TRAPPC2: variants seen among roughly 807,000 people sequenced by gnomAD.
TRAPPC2 encodes trafficking protein particle complex subunit 2.
Under a neutral mutation model 10.0 loss-of-function variants are expected in TRAPPC2, and 4 were observed. That is an observed-to-expected ratio of 0.40 (90% confidence interval 0.20 to 0.92). The LOEUF (loss-of-function observed/expected upper bound fraction) is 0.92. TRAPPC2 is among the 40% of genes least tolerant of loss of function. The pLI is 0.35. For missense variants in TRAPPC2, 52 were observed against 108.7 expected (o/e 0.48, Z 2.32); for synonymous variants, 36 against 37.3 (o/e 0.97, Z 0.12).
At chrX:13,716,791 GCT>G in intron 3 of TRAPPC2, 113 bp from the exon 4 acceptor site, 1 of 775,137 alleles carries the variant, frequency 1.3e-6, no homozygotes. Context: ...AAAACAGTTT[GCT>G]TTTATACTTT....
At chrX:13,716,327 T>TAA in intron 4 of TRAPPC2, 1 of 563,332 alleles carries the variant, frequency 1.8e-6, no homozygotes, top group Non-Finnish European at 2.8e-6. Context: ...TAAACTCTTT[T>TAA]TGTGTATGAG....
Position 13,713,103 on chromosome X carries a change from CAAAA to C in TRAPPC2, c.*1300_*1303del, listed in dbSNP as rs35590746. ...TGGACAACAGAGCGAAACTCCATCT[CAAAA>C]AAAAAAAAAAAACCCCAAAGATCAA... is the stretch of plus-strand genomic sequence containing the variant. On this transcript the variant is annotated 3_prime_UTR_variant, in exon 6 of 6. Transcript: ENST00000380579. The C allele has an allele frequency of 2.9e-5, 2 of 69,060 alleles. No individual in the cohort carries two copies. The highest frequency in any genetic ancestry group is 5.6e-5 in the African/African-American group (1 of 17,773). The allele number at this position is 69,060 out of a possible 1,213,427, so 5.7% of individuals were successfully genotyped here.
chrX:13,713,452 A>AAAAAAAAC lies in TRAPPC2; in HGVS notation c.*954_*955insGTTTTTTT, dbSNP rs1418356873. ...ACAACAGGAGCAAGACTCCATCTCA[A>AAAAAAAAC]AAAAACAAAAAACAAAAAACAAAAA... On this transcript the variant is annotated 3_prime_UTR_variant, in exon 6 of 6. Transcript: ENST00000380579. The AAAAAAAAC allele has an allele frequency of 9.4e-6, 1 of 106,932 alleles. No individual in the cohort carries two copies. The highest frequency in any genetic ancestry group is 1.0e-4 in the Admixed American group (1 of 9,888). The allele number at this position is 106,932 out of a possible 1,213,427, so 8.8% of individuals were successfully genotyped here.
At chrX:13,731,437 A>T (rs1184709609) in intron 2 of TRAPPC2, among the ~76,000 whole-genome samples, 3 of 112,590 alleles carry the variant, frequency 2.7e-5, no homozygotes, top group Non-Finnish European at 5.6e-5. Context: ...TTGTACTAGA[A>T]CAAGTCATAC....
At chrX:13,717,596 G>A (rs1456061655) in intron 3 of TRAPPC2, among the ~76,000 whole-genome samples, 1 of 110,041 alleles carries the variant, frequency 9.1e-6, no homozygotes, top group South Asian at 3.8e-4. Context: ...AAAATTGGCC[G>A]GCTGTGGTGG....
intron 2 of TRAPPC2, among the ~76,000 whole-genome samples, chrX:13,723,785 G>A (rs765845260): frequency 9.1e-6 from 1 of 110,405 alleles, no homozygotes; most frequent in Non-Finnish European, 1.9e-5. Flanking sequence ...TCTAGCTGAG[G>A]TGAACAAGCA....
At position 13,734,187 on chromosome X, in the gene TRAPPC2, T is replaced by C; in HGVS notation, c.-161-2A>G. 1 of 490,053 alleles carries C rather than the reference T, an allele frequency of 2.0e-6. No individual in the cohort carries two copies. The highest frequency in any genetic ancestry group is 2.8e-5 in the South Asian group (1 of 35,950). 40.4% of individuals were successfully genotyped at this position (490,053 alleles called of 1,213,427 possible). A position where few individuals can be genotyped will look rare whatever the true frequency, so the allele number is the denominator to read the frequency against. On this transcript the variant is annotated splice_acceptor_variant, in intron 1 of 5. Transcript: ENST00000380579. LOFTEE classifies it low-confidence loss of function (5UTR_SPLICE). Reference sequence around the variant, plus strand: ...TCACACTTGGGGGAGAAGGTGATACTGACAAAATAGAGAGCAAGGATACAG... The same window carrying C: ...TCACACTTGGGGGAGAAGGTGATACCGACAAAATAGAGAGCAAGGATACAG...
rs1328744609 is a variant in TRAPPC2, at chrX:13,714,145, A to G, written c.*262T>C. On this transcript the variant is annotated 3_prime_UTR_variant, in exon 6 of 6. Transcript: ENST00000380579. ...CAACAGAGTGAGACTCTGTATCAGA[A>G]AAAAAAAAAAAAAAAAAACATGATT... 1.2e-4 allele frequency: 16 copies of G among 131,721 alleles called. No homozygotes were observed. The highest frequency in any genetic ancestry group is 4.6e-4 in the African/African-American group (12 of 25,809). The allele number at this position is 131,721 out of a possible 1,213,427, so 10.9% of individuals were successfully genotyped here. A position where few individuals can be genotyped will look rare whatever the true frequency, so the allele number is the denominator to read the frequency against.
At chrX:13,717,613 C>T (rs1405188037) in intron 3 of TRAPPC2, among the ~76,000 whole-genome samples, 1 of 110,212 alleles carries the variant, frequency 9.1e-6, no homozygotes, top group Non-Finnish European at 1.9e-5. Flanking sequence ...GTGGTGCATG[C>T]CTGTAATCCC....
At chrX:13,721,287 T>C (rs998554876) in intron 2 of TRAPPC2, 2 of 112,235 alleles carry the variant, frequency 1.8e-5, no homozygotes, top group Non-Finnish European at 3.8e-5. Context: ...AACTTCCTAA[T>C]GTCCGTTTTC....
At chrX:13,733,872 T>C (rs1218882807) in intron 2 of TRAPPC2, among the ~76,000 whole-genome samples, 172 bp downstream of exon 2, 1 of 111,676 alleles carries the variant, frequency 9.0e-6, no homozygotes, top group Non-Finnish European at 1.9e-5. Flanking sequence ...TCCACAGAGA[T>C]GATCTGGATC....
intron 4 of TRAPPC2, 62 bp downstream of exon 4, chrX:13,716,472 T>C (rs749915302): frequency 8.6e-7 from 1 of 1,166,542 alleles, no homozygotes; most frequent in African/African-American, 1.8e-5. Flanking sequence ...CTATGTTCCA[T>C]GTTCTTCTGG....
intron 5 of TRAPPC2, 162 bp downstream of exon 5, chrX:13,715,842 G>C: frequency 1.0e-6 from 1 of 983,666 alleles, no homozygotes. Flanking sequence ...ACCTGGCTGT[G>C]AAGACTTACC....
At chrX:13,730,719 A>G (rs1362057833) in intron 2 of TRAPPC2, among the ~76,000 whole-genome samples, 1 of 111,502 alleles carries the variant, frequency 9.0e-6, no homozygotes, top group Non-Finnish European at 1.9e-5. Context: ...CATATACACC[A>G]TGGAATACTA....
rs1302681981 is a variant in TRAPPC2 at position 13,725,965 on chromosome X, C to G, written c.-19-5983G>C. 7.2e-5 allele frequency among the ~76,000 whole-genome samples: 8 copies of G among 111,762 alleles called. No individual in the cohort carries two copies. The Admixed American group carries it at 7.6e-4, about 11-fold the overall frequency. On this transcript the variant is annotated intron_variant, in intron 2 of 5. Coordinates refer to ENST00000380579, the MANE Select transcript of TRAPPC2 (RefSeq NM_001011658.4). ...GCACAAGAACTTCATGATGCATACACAAGCTTCAATAACTGATTTGATCAA... is the reference window on the plus strand; with the variant it reads ...GCACAAGAACTTCATGATGCATACAGAAGCTTCAATAACTGATTTGATCAA...
At chrX:13,723,553 T>C (rs1186667382) in intron 2 of TRAPPC2, among the ~76,000 whole-genome samples, 2 of 111,805 alleles carry the variant, frequency 1.8e-5, no homozygotes, top group Non-Finnish European at 3.8e-5. Context: ...AATTCCAATA[T>C]ATAATACAGA....
chrX:13,716,221 T>A, intron 4 of TRAPPC2, 132 bp from the exon 5 acceptor site: 1 of 730,267 alleles, frequency 1.4e-6, no homozygotes, highest in Non-Finnish European at 2.0e-6. Context: ...AAACTGGGTT[T>A]AAAATTAGCT....
At chrX:13,725,103 G>A (rs148967273) in intron 2 of TRAPPC2, among the ~76,000 whole-genome samples, 2,032 of 112,979 alleles carry the variant, frequency 0.018, 39 homozygotes, top group African/African-American at 0.062. Flanking sequence ...CAGGAAGCTC[G>A]AACTGGGCAG....
intron 5 of TRAPPC2, among the ~76,000 whole-genome samples, chrX:13,714,984 T>C (rs1254523602): frequency 8.9e-6 from 1 of 112,376 alleles, no homozygotes; most frequent in African/African-American, 3.2e-5. Flanking sequence ...TCATAACGCA[T>C]GACAGAAAAT....
Sources: allele counts gnomAD v4.1 joint callset (sites outside exome capture counted in the v4.1 genomes callset), GRCh38; gene constraint gnomAD v4.1.1; transcripts MANE v1.5; gene names NCBI Gene and HGNC (gene_info 2026-07-23, HGNC 2026-07-21).